Variants in SHKBP1 observed in about 807,000 individuals in gnomAD.
The protein encoded by SHKBP1 is SH3KBP1-binding protein 1.
In SHKBP1, 71 loss-of-function variants were observed where a neutral mutation model predicts 83.9. That is an observed-to-expected ratio of 0.85 (90% CI 0.70 to 1.03). The LOEUF (loss-of-function observed/expected upper bound fraction) is 1.03. Ranked by LOEUF, SHKBP1 falls within the 50% of genes least tolerant of loss-of-function variation. The probability of loss-of-function intolerance (pLI) is 0.00; values close to 1 mark genes in which losing one functional copy is unlikely to be tolerated. For missense variants in SHKBP1, 824 were observed against 982.4 expected (o/e 0.84, Z 2.16); for synonymous variants, 371 against 398.0 (o/e 0.93, Z 0.81).
chr19:40,582,866 G>A (rs921156459), intron 10 of SHKBP1, among the ~76,000 whole-genome samples: 2 of 151,900 alleles, frequency 1.3e-5, no homozygotes, highest in Non-Finnish European at 2.9e-5. Context: ...CAGAGAAAGA[G>A]ACAGAGAGGC....
At chr19:40,578,348 C>G in intron 5 of SHKBP1, 114 bp from the exon 6 acceptor site, 2 of 1,463,560 alleles carry the variant, frequency 1.4e-6, no homozygotes, top group African/African-American at 2.8e-5. Context: ...CTGGCCGGGT[C>G]TGTATTCGTA....
intron 6 of SHKBP1, among the ~76,000 whole-genome samples, chr19:40,579,109 T>G (rs1055945000): frequency 6.6e-6 from 1 of 152,070 alleles, no homozygotes; most frequent in African/African-American, 2.4e-5. Context: ...ATTTATTTAT[T>G]TATTTATTTA....
At chr19:40,577,532 C>A (rs1206512603) in intron 3 of SHKBP1, 25 bp from the exon 4 acceptor site, 1 of 1,614,096 alleles carries the variant, frequency 6.2e-7, no homozygotes, top group African/African-American at 1.3e-5. Flanking sequence ...TTACCCCATC[C>A]ATCCTCTGCC....
chr19:40,589,931 T>C (rs2081343779), intron 15 of SHKBP1, among the ~76,000 whole-genome samples: 1 of 150,672 alleles, frequency 6.6e-6, no homozygotes, highest in Admixed American at 6.6e-5. Flanking sequence ...AAAGGAGGCT[T>C]GATGGGAGGC....
chr19:40,577,055 T>C, intron 1 of SHKBP1, 70 bp downstream of exon 1: 1 of 1,200,168 alleles, frequency 8.3e-7, no homozygotes, highest in Non-Finnish European at 1.1e-6. Context: ...CCGCCTCTCC[T>C]GGGGGAATCC....
chr19:40,580,300 C>A, intron 6 of SHKBP1, 24 bp from the exon 7 acceptor site: 1 of 1,600,504 alleles, frequency 6.2e-7, no homozygotes, highest in Non-Finnish European at 8.5e-7. Flanking sequence ...ATGACTGTTA[C>A]TCTACCTCTT....
chr19:40,586,488 T>A (rs1357080852), intron 12 of SHKBP1, among the ~76,000 whole-genome samples: 1 of 152,020 alleles, frequency 6.6e-6, no homozygotes, highest in Non-Finnish European at 1.5e-5. Flanking sequence ...TGCCTCAGCC[T>A]TCTGAGTAGC....
chr19:40,589,286 T>G, intron 15 of SHKBP1, 108 bp downstream of exon 15: 1 of 1,140,898 alleles, frequency 8.8e-7, no homozygotes, highest in Non-Finnish European at 1.3e-6. Flanking sequence ...CAGAAAGGGG[T>G]CCCAGCCAAG....
At chr19:40,577,720 T>A in intron 4 of SHKBP1, 90 bp downstream of exon 4, 5 of 1,444,198 alleles carry the variant, frequency 3.5e-6, no homozygotes, top group Non-Finnish European at 3.9e-6. Flanking sequence ...GTGAGCTCCA[T>A]TCTATTAGAA....
At chr19:40,583,821 A>AG in intron 12 of SHKBP1, 104 bp downstream of exon 12, 1 of 821,950 alleles carries the variant, frequency 1.2e-6, no homozygotes, top group Non-Finnish European at 2.0e-6. Flanking sequence ...GGGTTTATCG[A>AG]GGGGCGGCAG....
chr19:40,589,699 G>A (rs1599848790), intron 15 of SHKBP1, among the ~76,000 whole-genome samples: 1 of 152,010 alleles, frequency 6.6e-6, no homozygotes, highest in African/African-American at 2.4e-5. Context: ...GGAAGGAGCA[G>A]AAGAAAGAAG....
At chr19:40,577,197 T>G (rs2081222310) in intron 1 of SHKBP1, 34 bp from the exon 2 acceptor site, 1 of 1,611,772 alleles carries the variant, frequency 6.2e-7, no homozygotes, top group African/African-American at 1.3e-5. Context: ...CCGCTCCTCT[T>G]CATCTCTTGC....
chr19:40,578,575 A>G lies in SHKBP1; in HGVS notation c.400+33A>G, dbSNP rs773262975. 10 of 1,596,070 alleles carry G rather than the reference A, an allele frequency of 6.3e-6. No homozygotes were observed. The South Asian group carries it at 7.7e-5, about 12-fold the overall frequency. ...CTCCCAATGGAATGGAGGGGCGCGG[A>G]GGTGGGCCAAAGACTACATTTCCCA... On this transcript the variant is annotated intron_variant, in intron 6 of 17. Coordinates refer to ENST00000291842, the MANE Select transcript of SHKBP1 (RefSeq NM_138392.4).
In SHKBP1 at chr19:40,580,388, A is replaced by G; in HGVS notation, c.465A>G (p.Pro155=). 1 of 1,614,226 alleles carries G rather than the reference A, an allele frequency of 6.2e-7. No individual in the cohort carries two copies. ...LVGPQQLGGR[P]APVRRSNTMP... ...GGCCTCAGCAGCTAGGAGGACGGCC[A>G]GCCCCTGTCCGACGGAGCAACACGA... is the stretch of plus-strand genomic sequence containing the variant. Residue 155 remains proline (P), a synonymous_variant, in exon 7 of 18, where the codon CCA becomes CCG. Coordinates refer to ENST00000291842, the MANE Select transcript of SHKBP1 (RefSeq NM_138392.4).
chr19:40,577,989 A>T (rs913944383), intron 4 of SHKBP1, 165 bp from the exon 5 acceptor site: 2 of 680,902 alleles, frequency 2.9e-6, no homozygotes, highest in Non-Finnish European at 5.3e-6. Context: ...ACACACACAC[A>T]CACTCAACAT....
Position 40,582,453 on chromosome 19 carries a change from C to G in SHKBP1, c.947C>G (p.Thr316Ser), listed in dbSNP as rs771795524. Residue 316 changes from threonine (T) to serine (S), a missense_variant, in exon 10 of 18, where the codon ACC becomes AGC. By Grantham distance (58) the Thr-to-Ser change is moderately conservative. Around this residue, in one of 3 missense-constraint regions of SHKBP1, gnomAD observed 182 missense variants for 273.1 expected, o/e 0.67. Coordinates refer to ENST00000291842, the MANE Select transcript of SHKBP1 (RefSeq NM_138392.4). ...TGRIGVWNAV[T>S]KHWQVQEVQP... ...CGCATCGGGGTGTGGAATGCCGTCACCAAGCACTGGCAGGTCAGAGTTCTG... is the reference window on the plus strand; with the variant it reads ...CGCATCGGGGTGTGGAATGCCGTCAGCAAGCACTGGCAGGTCAGAGTTCTG... 4.3e-6 allele frequency: 7 copies of G among 1,614,026 alleles called. No individual in the cohort carries two copies. The highest frequency in any genetic ancestry group is 5.1e-6 in the Non-Finnish European group (6 of 1,179,950).
intron 5 of SHKBP1, 94 bp downstream of exon 5, chr19:40,578,306 C>A: frequency 6.7e-7 from 1 of 1,491,414 alleles, no homozygotes; most frequent in Non-Finnish European, 9.3e-7. Context: ...TGAAAGAGGG[C>A]TGGGGTAGAG....
chr19:40,590,868 A>G lies in SHKBP1; in HGVS notation c.1892+15A>G, dbSNP rs776198515. 6.4e-6 allele frequency: 10 copies of G among 1,573,956 alleles called. No homozygotes were observed. The highest frequency in any genetic ancestry group is 2.3e-5 in the East Asian group (1 of 43,956). On this transcript the variant is annotated intron_variant, in intron 17 of 17. Transcript: ENST00000291842. This position sits in a 1 kb window ranked among gnomAD's most constrained non-coding sequence, Gnocchi z 4.6. ...TCCCTCACCAGGTAGCCACAACTCC[A>G]CTGCCCCTTCTGTGCAATGAGGGGA...
chr19:40,583,804 C>T, intron 12 of SHKBP1, 87 bp downstream of exon 12: 1 of 992,146 alleles, frequency 1.0e-6, no homozygotes, highest in Non-Finnish European at 1.6e-6. Context: ...TGTAGCATGA[C>T]CCAGAGGGGT....
Sources: allele counts gnomAD v4.1 joint callset (sites outside exome capture counted in the v4.1 genomes callset), GRCh38; gene constraint gnomAD v4.1.1; regional missense constraint gnomAD v4.1.1; non-coding constraint Gnocchi (gnomAD v3.1); transcripts MANE v1.5; gene names NCBI Gene and HGNC (gene_info 2026-07-23, HGNC 2026-07-21).